SCARB1: variants seen among roughly 807,000 people sequenced by gnomAD.
The protein encoded by SCARB1 is scavenger receptor class B member 1, also known as CD36 and LIMPII analogous 1.
In SCARB1, 30 loss-of-function variants were observed where a neutral mutation model predicts 57.2. The ratio of observed to expected loss-of-function variants is 0.52; its 90% CI spans 0.39 to 0.71. SCARB1 has a LOEUF of 0.71. Ranked by LOEUF, SCARB1 falls within the 30% of genes least tolerant of loss-of-function variation. The pLI is 0.00. For missense variants in SCARB1, 543 were observed against 671.2 expected (o/e 0.81, Z 2.11); for synonymous variants, 249 against 268.3 (o/e 0.93, Z 0.70).
Position 124,863,664 on chromosome 12 carries a change from T to C in SCARB1, c.57A>G (p.Leu19=). The C allele has an allele frequency of 1.3e-6, 2 of 1,577,240 alleles. No individual in the cohort carries two copies. The highest frequency in any genetic ancestry group is 1.7e-6 in the Non-Finnish European group (2 of 1,162,920). ...WAAGALGVAG[L]LCAVLGAVMI... is the part of the protein sequence containing the mutation. Reference sequence around the variant, plus strand: ...TGACAGCGCCCAGCACAGCGCACAGTAGCCCCGCGACGCCCAGCGCCCCGG... The same window carrying C: ...TGACAGCGCCCAGCACAGCGCACAGCAGCCCCGCGACGCCCAGCGCCCCGG... Residue 19 remains leucine (L), a synonymous_variant, in exon 1 of 13, where the codon CTA becomes CTG. Coordinates refer to ENST00000261693, the MANE Select transcript of SCARB1 (RefSeq NM_005505.5).
In SCARB1 at chr12:124,800,528, G is replaced by C. The variant is rs906295319; in HGVS notation, c.1010-286C>G. Reference sequence around the variant, plus strand: ...CAGGAGCCAGGTGAAGGATGCCCGGGAAGCGCATTCCAGGTGGAAGGGAAG... The same window carrying C: ...CAGGAGCCAGGTGAAGGATGCCCGGCAAGCGCATTCCAGGTGGAAGGGAAG... On this transcript the variant is annotated intron_variant, in intron 7 of 12. Coordinates refer to ENST00000261693, the MANE Select transcript of SCARB1 (RefSeq NM_005505.5). The surrounding 1 kb of genome is among the most constrained non-coding windows in gnomAD (Gnocchi z 4.8). Among the ~76,000 whole-genome samples, 3 of 152,244 alleles carry C rather than the reference G, an allele frequency of 2.0e-5. No individual in the cohort carries two copies. Among genetic ancestry groups the C allele is most frequent in the African/African-American group, 7.2e-5 (3 of 41,460 alleles).
chr12:124,837,510 A>G (rs11057848), intron 1 of SCARB1, among the ~76,000 whole-genome samples: 43,121 of 119,550 alleles, frequency 0.36, 7,877 homozygotes, highest in African/African-American at 0.38. Flanking sequence ...GAAGGGAGAA[A>G]AAAGAAAAGA....
Position 124,778,475 on chromosome 12 carries a change from T to G in SCARB1, c.*112A>C, listed in dbSNP as rs1872724870. On this transcript the variant is annotated 3_prime_UTR_variant, in exon 13 of 13. Coordinates refer to ENST00000261693, the MANE Select transcript of SCARB1 (RefSeq NM_005505.5). Reference sequence around the variant, plus strand: ...CATGGCAGCTGGGAGGCTCAGGCTGTGGGGCTGGGGGGCTGTCCGCTGGGA... The same window carrying G: ...CATGGCAGCTGGGAGGCTCAGGCTGGGGGGCTGGGGGGCTGTCCGCTGGGA... 1.5e-6 allele frequency: 2 copies of G among 1,329,900 alleles called. No homozygotes were observed. The highest frequency in any genetic ancestry group is 1.9e-6 in the Non-Finnish European group (2 of 1,037,346). 82.4% of individuals were successfully genotyped at this position (1,329,900 alleles called of 1,614,324 possible). A position where few individuals can be genotyped will look rare whatever the true frequency, so the allele number is the denominator to read the frequency against.
Position 124,786,559 on chromosome 12 carries a change from C to T in SCARB1, c.1255-56G>A, listed in dbSNP as rs577683065. On this transcript the variant is annotated intron_variant, in intron 10 of 12. Coordinates refer to ENST00000261693, the MANE Select transcript of SCARB1 (RefSeq NM_005505.5). ...TGGGGCCGCAGGCTGCGGGCTACAG[C>T]GCAGATGCCACCCAACACCTTCCTC... 162 of 1,604,584 alleles carry T rather than the reference C, an allele frequency of 1.0e-4. No individual in the cohort carries two copies. In the East Asian group the frequency reaches 3.4e-3, roughly 34 times the overall value.
chr12:124,791,132 ACTC>A (rs1375529278), intron 9 of SCARB1, among the ~76,000 whole-genome samples: 1 of 151,862 alleles, frequency 6.6e-6, no homozygotes, highest in Admixed American at 6.6e-5. Flanking sequence ...GGTTGTCACA[ACTC>A]CTTGCAGCAA....
In SCARB1 at chr12:124,782,709, A is replaced by G. The variant is rs764880118; in HGVS notation, c.1504T>C (p.Ser502Pro). 8 of 1,614,130 alleles carry G rather than the reference A, an allele frequency of 5.0e-6. No individual in the cohort carries two copies. The highest frequency in any genetic ancestry group is 8.5e-7 in the Non-Finnish European group (1 of 1,180,002). The change falls in exon 12 of 13, where the codon TCT becomes CCT. Residue 502 changes from serine (S) to proline (P), a missense_variant. Coordinates refer to ENST00000261693, the MANE Select transcript of SCARB1 (RefSeq NM_005505.5). ...TACAGTTTTGCTTCCTGCAGCACAG[A>G]GCCCTTGGGAGCTGATGTCATCAGG... ...ESLMTSAPKG[S>P]VLQEAKL
chr12:124,808,386 A>G (rs372297173), intron 6 of SCARB1, among the ~76,000 whole-genome samples: 10 of 152,282 alleles, frequency 6.6e-5, no homozygotes, highest in South Asian at 4.1e-4. Context: ...AGTCTAACCT[A>G]CCATTAGGAT....
At chr12:124,802,996 T>C (rs1422872375) in intron 7 of SCARB1, among the ~76,000 whole-genome samples, 3 of 151,986 alleles carry the variant, frequency 2.0e-5, no homozygotes, top group Non-Finnish European at 4.4e-5. Flanking sequence ...AAGGAGAAGA[T>C]GGAGGTGGCA....
intron 1 of SCARB1, among the ~76,000 whole-genome samples, chr12:124,823,244 C>T (rs904537524): frequency 3.9e-5 from 6 of 152,132 alleles, no homozygotes; most frequent in African/African-American, 4.8e-5. Context: ...CTTTTCTATA[C>T]GTGTGCTACA....
intron 1 of SCARB1, among the ~76,000 whole-genome samples, chr12:124,843,293 G>C (rs1030400985): frequency 2.5e-5 from 3 of 120,920 alleles, no homozygotes; most frequent in South Asian, 3.1e-4. Context: ...GTGGAGATGG[G>C]GGGGGGGGTC....
chr12:124,841,241 G>T (rs907437215), intron 1 of SCARB1, among the ~76,000 whole-genome samples: 5 of 152,024 alleles, frequency 3.3e-5, no homozygotes, highest in African/African-American at 2.4e-5. Context: ...GCGTGGTGGC[G>T]GGCGCCTGTA....
intron 1 of SCARB1, among the ~76,000 whole-genome samples, chr12:124,829,694 C>G (rs1341525521): frequency 1.3e-5 from 2 of 152,216 alleles, no homozygotes; most frequent in Admixed American, 6.5e-5. Context: ...CCTCACTTCT[C>G]AAGTCTAAAG....
At chr12:124,853,902 G>A (rs763543029) in intron 1 of SCARB1, among the ~76,000 whole-genome samples, 10 of 152,170 alleles carry the variant, frequency 6.6e-5, no homozygotes, top group Non-Finnish European at 1.0e-4. Flanking sequence ...CACTGGTCAC[G>A]AACCATCCTG....
intron 1 of SCARB1, among the ~76,000 whole-genome samples, chr12:124,823,184 G>A (rs1052345100): frequency 3.3e-5 from 5 of 152,088 alleles, no homozygotes; most frequent in Admixed American, 1.3e-4. Flanking sequence ...CTGGTTACCC[G>A]GGACTATGTT....
At chr12:124,843,347 G>A (rs1951993057) in intron 1 of SCARB1, among the ~76,000 whole-genome samples, 1 of 151,454 alleles carries the variant, frequency 6.6e-6, no homozygotes, top group Non-Finnish European at 1.5e-5. Context: ...GGCCTCAGGC[G>A]ATCCTCCCAC....
At chr12:124,797,598 C>T (rs1025896032) in intron 8 of SCARB1, among the ~76,000 whole-genome samples, 41 of 152,216 alleles carry the variant, frequency 2.7e-4, no homozygotes, top group African/African-American at 9.6e-4. Context: ...CCAAACTTAA[C>T]CCCTTCTTTC....
chr12:124,800,083 C>T lies in SCARB1; in HGVS notation c.1128+41G>A. 1 of 1,478,012 alleles carries T rather than the reference C, an allele frequency of 6.8e-7. No homozygotes were observed. The highest frequency in any genetic ancestry group is 9.5e-7 in the Non-Finnish European group (1 of 1,057,332). 91.6% of individuals were successfully genotyped at this position (1,478,012 alleles called of 1,614,324 possible). On this transcript the variant is annotated intron_variant, in intron 8 of 12. Transcript: ENST00000261693. This position sits in a 1 kb window ranked among gnomAD's most constrained non-coding sequence, Gnocchi z 4.8. ...AGGAGGCAGCCAGGTGTGCTCCAACCAGGAATCACCCACCCCCCACAGAGG... is the reference window on the plus strand; with the variant it reads ...AGGAGGCAGCCAGGTGTGCTCCAACTAGGAATCACCCACCCCCCACAGAGG...
At chr12:124,791,341 C>A (rs920209782) in intron 9 of SCARB1, among the ~76,000 whole-genome samples, 2 of 152,140 alleles carry the variant, frequency 1.3e-5, no homozygotes, top group Non-Finnish European at 2.9e-5. Context: ...GCCTTGGGAC[C>A]CCTGACACAG....
intron 8 of SCARB1, among the ~76,000 whole-genome samples, chr12:124,798,702 G>C (rs1487057834): frequency 6.6e-6 from 1 of 151,954 alleles, no homozygotes; most frequent in Non-Finnish European, 1.5e-5. Flanking sequence ...AATTAGCCGG[G>C]TGTGGTGGTG....
Sources: gnomAD v4.1 joint callset for allele counts (sites outside exome capture counted in the v4.1 genomes callset) on GRCh38, gnomAD v4.1.1 for gene constraint, Gnocchi (gnomAD v3.1) non-coding constraint, MANE v1.5 for transcripts, NCBI Gene and HGNC (gene_info 2026-07-23, HGNC 2026-07-21) for gene names.